Variants in C8orf34 observed in about 807,000 individuals in gnomAD.
The protein encoded by C8orf34 is chromosome 8 open reading frame 34, also known as uncharacterized protein C8orf34.
C8orf34 carries 65 observed loss-of-function variants against 68.3 expected under a neutral mutation model. The ratio of observed to expected loss-of-function variants is 0.95; its 90% CI spans 0.78 to 1.17. The LOEUF (loss-of-function observed/expected upper bound fraction) is 1.17. C8orf34 is among the 50% of genes most tolerant of loss of function. The probability of loss-of-function intolerance (pLI) is 0.00; values close to 1 mark genes in which losing one functional copy is unlikely to be tolerated. For missense variants in C8orf34, 664 were observed against 655.4 expected (o/e 1.01, Z -0.14); for synonymous variants, 244 against 241.2 (o/e 1.01, Z -0.11).
intron 8 of C8orf34, among the ~76,000 whole-genome samples, chr8:68,707,287 G>A (rs1190571904): frequency 6.6e-6 from 1 of 152,090 alleles, no homozygotes; most frequent in Non-Finnish European, 1.5e-5. Context: ...GGTATCTGGA[G>A]GGCACCGTGT....
intron 7 of C8orf34, among the ~76,000 whole-genome samples, chr8:68,557,167 G>A (rs1032897216): frequency 6.6e-6 from 1 of 152,112 alleles, no homozygotes; most frequent in Admixed American, 6.6e-5. Context: ...TTTTCCTGGA[G>A]GGTAAAATAA....
intron 5 of C8orf34, among the ~76,000 whole-genome samples, chr8:68,501,888 G>T (rs1813788477): frequency 6.6e-6 from 1 of 152,056 alleles, no homozygotes; most frequent in Non-Finnish European, 1.5e-5. Context: ...AGGTACAAAG[G>T]GTAGAAGGGA....
intron 12 of C8orf34, among the ~76,000 whole-genome samples, chr8:68,804,127 G>A (rs1272886725): frequency 1.3e-5 from 2 of 152,098 alleles, no homozygotes; most frequent in Non-Finnish European, 2.9e-5. Context: ...TGATGCCACT[G>A]CAAATCAATT....
intron 8 of C8orf34, among the ~76,000 whole-genome samples, chr8:68,660,160 G>A (rs1217611848): frequency 6.6e-6 from 1 of 152,112 alleles, no homozygotes; most frequent in Non-Finnish European, 1.5e-5. Context: ...GGAGGAAAAA[G>A]GAGAAAGAAG....
chr8:68,669,227 T>C (rs1819933232), intron 8 of C8orf34, among the ~76,000 whole-genome samples: 1 of 152,084 alleles, frequency 6.6e-6, no homozygotes, highest in Non-Finnish European at 1.5e-5. Flanking sequence ...TATGCTACTT[T>C]GGTGGGGGAT....
At position 68,575,834 on chromosome 8, in the gene C8orf34, T is replaced by C. The variant is rs141663676; in HGVS notation, c.1105+42685T>C. Reference sequence around the variant, plus strand: ...TTAATCAAGTATTATCATTGGCTCCTAGTGACAAAGTAAATTATTTACCTG... The same window carrying C: ...TTAATCAAGTATTATCATTGGCTCCCAGTGACAAAGTAAATTATTTACCTG... On this transcript the variant is annotated intron_variant, in intron 7 of 13. Coordinates refer to ENST00000518698, the MANE Select transcript of C8orf34 (RefSeq NM_052958.4). 8.2e-4 allele frequency among the ~76,000 whole-genome samples: 124 copies of C among 152,144 alleles called. 1 individual carries two copies. The East Asian group carries it at 0.023, about 28-fold the overall frequency.
At chr8:68,667,870 C>A (rs914413879) in intron 8 of C8orf34, among the ~76,000 whole-genome samples, 4 of 152,146 alleles carry the variant, frequency 2.6e-5, no homozygotes, top group African/African-American at 9.7e-5. Context: ...TCTGTCACAA[C>A]TGATCAGCAC....
intron 12 of C8orf34, among the ~76,000 whole-genome samples, chr8:68,802,380 G>A (rs560266309): frequency 5.6e-4 from 86 of 152,250 alleles, no homozygotes; most frequent in Non-Finnish European, 8.1e-4. Flanking sequence ...GATTACAGGC[G>A]TGAGCCACCA....
intron 11 of C8orf34, among the ~76,000 whole-genome samples, chr8:68,787,169 C>A (rs1386535720): frequency 6.6e-6 from 1 of 152,112 alleles, no homozygotes; most frequent in Admixed American, 6.5e-5. Flanking sequence ...TGAGTGTCAA[C>A]ATTTCCATAA....
In C8orf34 at chr8:68,672,769, C is replaced by G. The variant is rs76771976; in HGVS notation, c.1241+32258C>G. Among the ~76,000 whole-genome samples the G allele has an allele frequency of 4.0e-3, 606 of 152,300 alleles. 7 individuals are homozygous for G. Among genetic ancestry groups the G allele is most frequent in the African/African-American group, 0.014 (571 of 41,566 alleles). On this transcript the variant is annotated intron_variant, in intron 8 of 13. Transcript: ENST00000518698. Reference sequence around the variant, plus strand: ...GCAGTGGACTTGGGGGGCATGCAATCTAGTGAGACACCAGCACAGGTGGCT... The same window carrying G: ...GCAGTGGACTTGGGGGGCATGCAATGTAGTGAGACACCAGCACAGGTGGCT...
chr8:68,624,182 G>C (rs1487364449), intron 7 of C8orf34, among the ~76,000 whole-genome samples: 1 of 150,456 alleles, frequency 6.6e-6, no homozygotes, highest in East Asian at 2.0e-4. Context: ...TGAGGTAGGA[G>C]AATCACTTGA....
rs565777860 is a variant in C8orf34 at position 68,439,633 on chromosome 8, A to G, written c.462A>G (p.Glu154=). 6.2e-7 allele frequency: 1 copy of G among 1,610,342 alleles called. No individual in the cohort carries two copies. The highest frequency in any genetic ancestry group is 1.7e-5 in the Admixed American group (1 of 59,148). ...CTGGATCTGCAGCTCTATGGGCAGA[A>G]AGTGAAAAATCAGGTAAATGAAGAA... ...TLSGSAALWA[E]SEKSESKGTR... is the part of the protein sequence containing the mutation. The change falls in exon 2 of 14, where the codon GAA becomes GAG. Residue 154 remains glutamate, a synonymous_variant. Coordinates refer to ENST00000518698, the MANE Select transcript of C8orf34 (RefSeq NM_052958.4).
At chr8:68,560,977 AT>A (rs1197188539) in intron 7 of C8orf34, among the ~76,000 whole-genome samples, 971 of 139,784 alleles carry the variant, frequency 6.9e-3, no homozygotes, top group African/African-American at 0.013. Context: ...TTTTAATTTA[AT>A]TTTTTTTTTT....
intron 8 of C8orf34, among the ~76,000 whole-genome samples, chr8:68,675,318 GA>G (rs1230322898): frequency 1.3e-5 from 2 of 152,038 alleles, no homozygotes; most frequent in East Asian, 3.9e-4. Context: ...ATCTTGAGTA[GA>G]AAAACTAAAA....
At chr8:68,695,394 C>G (rs1820802022) in intron 8 of C8orf34, among the ~76,000 whole-genome samples, 1 of 152,072 alleles carries the variant, frequency 6.6e-6, no homozygotes, top group African/African-American at 2.4e-5. Flanking sequence ...AGTGATCCAC[C>G]CACCTTGGCA....
At chr8:68,376,185 A>ATAAAATAAAATAAAATAAAATAAAAT (rs1410374312) in intron 1 of C8orf34, among the ~76,000 whole-genome samples, 39 of 29,594 alleles carry the variant, frequency 1.3e-3, no homozygotes, top group African/African-American at 5.5e-3. Context: ...AAAGGCAGAC[A>ATAAAATAAAATAAAATAAAATAAAAT]TAAAATAAAA....
At chr8:68,376,668 T>C (rs11996907) in intron 1 of C8orf34, among the ~76,000 whole-genome samples, 1 of 152,024 alleles carries the variant, frequency 6.6e-6, no homozygotes, top group Non-Finnish European at 1.5e-5. Flanking sequence ...TTCAACTATA[T>C]TTAAACTTAA....
chr8:68,510,880 G>A (rs952741741), intron 5 of C8orf34, among the ~76,000 whole-genome samples: 31 of 152,122 alleles, frequency 2.0e-4, no homozygotes, highest in African/African-American at 6.3e-4. Flanking sequence ...AAGGTCTGAA[G>A]ATAAACTTGG....
At chr8:68,784,200 G>T (rs778910250) in intron 11 of C8orf34, among the ~76,000 whole-genome samples, 1 of 152,026 alleles carries the variant, frequency 6.6e-6, no homozygotes, top group African/African-American at 2.4e-5. Flanking sequence ...CTTTCCCTGT[G>T]TTTAAAGACC....
Sources: gnomAD v4.1 joint callset for allele counts (sites outside exome capture counted in the v4.1 genomes callset) on GRCh38, gnomAD v4.1.1 for gene constraint, MANE v1.5 for transcripts, NCBI Gene and HGNC (gene_info 2026-07-23, HGNC 2026-07-21) for gene names.